USP48: variants seen among roughly 807,000 people sequenced by gnomAD.
The protein encoded by USP48 is ubiquitin specific peptidase 48, also known as ubiquitin carboxyl-terminal hydrolase 48.
A neutral mutation model predicts 150.7 loss-of-function variants in USP48; 43 were observed. The observed-to-expected ratio is 0.29, with a 90% CI of 0.22 to 0.37. The LOEUF (loss-of-function observed/expected upper bound fraction) is 0.37, where lower values mean the gene tolerates loss of function less well. USP48 is among the 10% of genes least tolerant of loss of function. The pLI is 1.00. For synonymous variants in USP48, 396 were observed against 425.9 expected (o/e 0.93, Z 0.86); for missense variants, 813 against 1,249.6 (o/e 0.65, Z 5.27).
chr1:21,731,516 G>A (rs948242085), intron 9 of USP48, among the ~76,000 whole-genome samples: 2 of 149,906 alleles, frequency 1.3e-5, no homozygotes, highest in Admixed American at 6.6e-5. Context: ...CTCCCTCCTC[G>A]GCCTCCCAAA....
intron 23 of USP48, among the ~76,000 whole-genome samples, chr1:21,693,413 G>A (rs1438223784): frequency 6.6e-6 from 1 of 152,172 alleles, no homozygotes; most frequent in African/African-American, 2.4e-5. Context: ...TGAGGGGAAA[G>A]ACCTTCTACT....
At chr1:21,764,515 T>G (rs2097857227) in intron 1 of USP48, among the ~76,000 whole-genome samples, 1 of 150,720 alleles carries the variant, frequency 6.6e-6, no homozygotes, top group African/African-American at 2.4e-5. Flanking sequence ...AAGACCAACC[T>G]GGCCAAGATG....
In USP48 at chr1:21,701,579, T is replaced by A; in HGVS notation, c.2646A>T (p.Glu882Asp). The A allele has an allele frequency of 6.2e-7, 1 of 1,613,858 alleles. No homozygotes were observed. The highest frequency in any genetic ancestry group is 8.5e-7 in the Non-Finnish European group (1 of 1,179,812). The change falls in exon 22 of 27, where the codon GAA becomes GAT. Residue 882 changes from glutamate (E) to aspartate (D), a missense_variant. Transcript: ENST00000308271. ...NKKVMKDSAP[E>D]LNVSSSETEE... is the part of the protein sequence containing the mutation. Reference sequence around the variant, plus strand: ...CTGTTTCAGAACTACTCACATTCAGTTCCGGAGCCGAATCCTTCATCACCT... The same window carrying A: ...CTGTTTCAGAACTACTCACATTCAGATCCGGAGCCGAATCCTTCATCACCT...
chr1:21,743,666 G>C (rs935119023), intron 8 of USP48, among the ~76,000 whole-genome samples: 1 of 152,136 alleles, frequency 6.6e-6, no homozygotes, highest in Non-Finnish European at 1.5e-5. Flanking sequence ...ACACTTAAGG[G>C]GAGGAAGGTG....
chr1:21,735,651 G>C (rs2097767196), intron 9 of USP48, among the ~76,000 whole-genome samples: 1 of 152,200 alleles, frequency 6.6e-6, no homozygotes, highest in African/African-American at 2.4e-5. Context: ...CACCTTGGGG[G>C]GCCAAGGCAG....
At chr1:21,699,372 G>A (rs1277757574) in intron 22 of USP48, among the ~76,000 whole-genome samples, 1 of 142,460 alleles carries the variant, frequency 7.0e-6, no homozygotes, top group Admixed American at 7.0e-5. Context: ...CTAATTTTTT[G>A]TATTTTTAGT....
intron 12 of USP48, among the ~76,000 whole-genome samples, chr1:21,722,158 G>T (rs900489): frequency 0.21 from 32,327 of 151,764 alleles, 4,394 homozygotes; most frequent in Non-Finnish European, 0.3. Context: ...AAAAGGAAAA[G>T]CAAAATGAAG....
intron 6 of USP48, among the ~76,000 whole-genome samples, chr1:21,750,938 A>G (rs2097810857): frequency 6.6e-6 from 1 of 152,102 alleles, no homozygotes; most frequent in African/African-American, 2.4e-5. Context: ...AGGCATGCCC[A>G]TGGATGAGCT....
intron 22 of USP48, among the ~76,000 whole-genome samples, chr1:21,698,747 T>C (rs1439164282): frequency 6.6e-6 from 1 of 151,782 alleles, no homozygotes; most frequent in African/African-American, 2.4e-5. Context: ...TACAAAAAAT[T>C]AGCTGGGCGT....
rs2152505212 is a variant in USP48 at position 21,695,123 on chromosome 1, A to G, written c.2826T>C (p.Arg942=). 1 of 1,613,786 alleles carries G rather than the reference A, an allele frequency of 6.2e-7. No individual in the cohort carries two copies. Residue 942 remains arginine, a synonymous_variant, in exon 23 of 27, where the codon CGT becomes CGC. Coordinates refer to ENST00000308271, the MANE Select transcript of USP48 (RefSeq NM_032236.8). ...CAGAAACGAGAAGTGCTTTCTCACC[A>G]CGAACTTTTCTATGTCGCATACTTC... ...IRRSMRHRKV[R]GEKALLVSAN... is the part of the protein sequence containing the mutation.
At chr1:21,769,318 G>A (rs1027860161) in intron 1 of USP48, among the ~76,000 whole-genome samples, 6 of 151,190 alleles carry the variant, frequency 4.0e-5, no homozygotes, top group African/African-American at 1.5e-4. Context: ...GCTACATGAT[G>A]AGAACTTCTG....
chr1:21,730,379 T>C (rs1428675431), intron 9 of USP48, among the ~76,000 whole-genome samples: 2 of 150,766 alleles, frequency 1.3e-5, no homozygotes, highest in Non-Finnish European at 3.0e-5. Flanking sequence ...GAGGCAGAGG[T>C]TGCAGTGAGC....
intron 25 of USP48, 61 bp from the exon 26 acceptor site, chr1:21,680,895 AT>A: frequency 7.7e-7 from 1 of 1,305,928 alleles, no homozygotes; most frequent in South Asian, 1.3e-5. Flanking sequence ...AGACAGTAAT[AT>A]CATTTCAATG....
In USP48 at chr1:21,695,203, G is replaced by T; in HGVS notation, c.2746C>A (p.Arg916=). 3.1e-6 allele frequency: 5 copies of T among 1,610,812 alleles called. No individual in the cohort carries two copies. Among genetic ancestry groups the T allele is most frequent in the Non-Finnish European group, 4.2e-6 (5 of 1,178,858 alleles). The change falls in exon 23 of 27, where the codon CGG becomes AGG. Residue 916 remains arginine (R), a synonymous_variant. Transcript: ENST00000308271. ...TAATTTTGATGGGATATCTTTTGCC[G>T]CTTTGTTCCACCATTGCTCTATAAT... ...DFNQSNGGTK[R]QKISHQNYIA...
intron 1 of USP48, among the ~76,000 whole-genome samples, chr1:21,776,900 T>C (rs1374849783): frequency 6.6e-6 from 1 of 151,760 alleles, no homozygotes; most frequent in African/African-American, 2.4e-5. Flanking sequence ...TGAGCCGAGT[T>C]TGTGCCGCTG....
chr1:21,771,373 CA>C lies in USP48; in HGVS notation c.134+11450del, dbSNP rs67217692. Among the ~76,000 whole-genome samples, 921 of 132,824 alleles carry C rather than the reference CA, an allele frequency of 6.9e-3. 6 individuals are homozygous for C. Among genetic ancestry groups the C allele is most frequent in the African/African-American group, 0.023 (803 of 35,282 alleles). The allele number at this position is 132,824 out of a possible 152,430, so 87.1% of individuals were successfully genotyped here. On this transcript the variant is annotated intron_variant, in intron 1 of 26. Transcript: ENST00000308271. Reference sequence around the variant, plus strand: ...TGGGCGACAGAGCAAGACTCCATCTCAAAAAAAAATAAATTATTATTAATTA... The same window carrying C: ...TGGGCGACAGAGCAAGACTCCATCTCAAAAAAAATAAATTATTATTAATTA...
intron 15 of USP48, among the ~76,000 whole-genome samples, chr1:21,712,060 A>T (rs1450992938): frequency 2.0e-5 from 3 of 152,256 alleles, no homozygotes; most frequent in Non-Finnish European, 1.5e-5. Flanking sequence ...CAGAGTTGTT[A>T]TAAGATTAAA....
At position 21,689,973 on chromosome 1, in the gene USP48, C is replaced by T; in HGVS notation, c.3009+1G>A. On this transcript the variant is annotated splice_donor_variant, in intron 24 of 26. Coordinates refer to ENST00000308271, the MANE Select transcript of USP48 (RefSeq NM_032236.8). LOFTEE classifies it high-confidence loss of function. ...CTTCAGCTAAGGAGCTGTTTACTTA[C>T]CTTCAATAAAATGACAGATTCAGGA... 6.2e-7 allele frequency: 1 copy of T among 1,613,928 alleles called. No individual in the cohort carries two copies. Among genetic ancestry groups the T allele is most frequent in the Non-Finnish European group, 8.5e-7 (1 of 1,179,904 alleles).
chr1:21,781,264 CA>C (rs1335125568), intron 1 of USP48, among the ~76,000 whole-genome samples: 3 of 150,266 alleles, frequency 2.0e-5, no homozygotes, highest in African/African-American at 7.3e-5. Flanking sequence ...ACTAAAAATA[CA>C]AAAAATAAAA....
Sources: gnomAD v4.1 joint callset for allele counts (sites outside exome capture counted in the v4.1 genomes callset) on GRCh38, gnomAD v4.1.1 for gene constraint, MANE v1.5 for transcripts, NCBI Gene and HGNC (gene_info 2026-07-23, HGNC 2026-07-21) for gene names.